The following GGPS1 variants were observed in gnomAD, a reference collection of about 807,000 sequenced individuals.
The protein encoded by GGPS1 is geranylgeranyl diphosphate synthase 1.
In GGPS1, 15 loss-of-function variants were observed where a neutral mutation model predicts 28.1. The observed-to-expected ratio is 0.53, with a 90% CI of 0.36 to 0.82. GGPS1 has a LOEUF of 0.82. GGPS1 is among the 40% of genes least tolerant of loss of function. The pLI is 0.01. For missense variants in GGPS1, 284 were observed against 348.3 expected (o/e 0.82, Z 1.47); for synonymous variants, 138 against 122.4 (o/e 1.13, Z -0.84).
At chr1:235,333,067 C>CAAAAA (rs5781828) in intron 1 of GGPS1, among the ~76,000 whole-genome samples, 5 of 43,310 alleles carry the variant, frequency 1.2e-4, no homozygotes, top group African/African-American at 4.6e-4. Context: ...GACTCCGTCT[C>CAAAAA]AAAAAAAAAA....
At chr1:235,329,717 A>T (rs150964907) in intron 1 of GGPS1, 1 of 152,266 alleles carries the variant, frequency 6.6e-6, no homozygotes, top group South Asian at 2.1e-4. Context: ...TTTTCTCCTA[A>T]TAGCAATGGG....
At chr1:235,334,861 C>T (rs1387125063) in intron 1 of GGPS1, among the ~76,000 whole-genome samples, 1 of 152,132 alleles carries the variant, frequency 6.6e-6, no homozygotes, top group Admixed American at 6.6e-5. Flanking sequence ...CCTCAGCCTC[C>T]CAAGTAGCCA....
rs1173604596 is a variant in GGPS1 at position 235,342,615 on chromosome 1, A to C, written c.746A>C (p.His249Pro). The C allele has an allele frequency of 6.2e-7, 1 of 1,611,856 alleles. No homozygotes were observed. The highest frequency in any genetic ancestry group is 8.5e-7 in the Non-Finnish European group (1 of 1,178,022). Reference sequence around the variant, plus strand: ...ATAGATATAAAAAAATACTGTGTACATTATCTTGAGGATGTAGGTTCTTTT... The same window carrying C: ...ATAGATATAAAAAAATACTGTGTACCTTATCTTGAGGATGTAGGTTCTTTT... ...ENIDIKKYCVHYLEDVGSFEY... is the reference protein window; with the variant it reads ...ENIDIKKYCVPYLEDVGSFEY... Residue 249 changes from histidine (H) to proline (P), a missense_variant, in exon 4 of 4, where the codon CAT becomes CCT. Physicochemically the swap from His to Pro is moderately conservative, Grantham distance 77. Coordinates refer to ENST00000282841, the MANE Select transcript of GGPS1 (RefSeq NM_004837.4).
At chr1:235,328,223 C>T (rs1481075968), upstream of GGPS1, 3 of 147,730 alleles carry the variant, frequency 2.0e-5, no homozygotes, top group Non-Finnish European at 4.5e-5. Flanking sequence ...CCTTTCTCCC[C>T]TCCCCTAGAT....
intron 2 of GGPS1, among the ~76,000 whole-genome samples, chr1:235,335,553 G>A (rs553403376): frequency 6.6e-6 from 1 of 151,850 alleles, no homozygotes; most frequent in Non-Finnish European, 1.5e-5. Flanking sequence ...CACCTACTTG[G>A]GAGGCTGAGG....
In GGPS1 at chr1:235,343,624, C is replaced by T. The variant is rs1417123459; in HGVS notation, c.*852C>T. The T allele has an allele frequency of 3.0e-5, 5 of 166,958 alleles. No individual in the cohort carries two copies. Among genetic ancestry groups the T allele is most frequent in the African/African-American group, 1.2e-4 (5 of 41,386 alleles). 10.3% of individuals were successfully genotyped at this position (166,958 alleles called of 1,614,324 possible). ...CTTAGGTTTTCCTTTTTTCCTTCCT[C>T]TCCACCCCACAAGTTTTGCTTTTTA... On this transcript the variant is annotated 3_prime_UTR_variant, in exon 4 of 4. Coordinates refer to ENST00000282841, the MANE Select transcript of GGPS1 (RefSeq NM_004837.4).
At chr1:235,337,595 A>G (rs1301293027) in intron 2 of GGPS1, among the ~76,000 whole-genome samples, 1 of 152,166 alleles carries the variant, frequency 6.6e-6, no homozygotes, top group Non-Finnish European at 1.5e-5. Flanking sequence ...TACTCTTGCT[A>G]ATAAATAATA....
At chr1:235,340,768 A>T (rs1437197659) in intron 2 of GGPS1, among the ~76,000 whole-genome samples, 16 of 151,128 alleles carry the variant, frequency 1.1e-4, no homozygotes, top group Middle Eastern at 6.8e-3. Flanking sequence ...ACAAGAAAGA[A>T]AAAAAGAAGA....
Position 235,342,795 on chromosome 1 carries a change from C to T in GGPS1, c.*23C>T. The T allele has an allele frequency of 6.8e-7, 1 of 1,470,028 alleles. No individual in the cohort carries two copies. The highest frequency in any genetic ancestry group is 9.2e-7 in the Non-Finnish European group (1 of 1,083,584). The allele number at this position is 1,470,028 out of a possible 1,614,324, so 91.1% of individuals were successfully genotyped here. On this transcript the variant is annotated 3_prime_UTR_variant, in exon 4 of 4. Coordinates refer to ENST00000282841, the MANE Select transcript of GGPS1 (RefSeq NM_004837.4). ...TAATGTTAAGCCATTCTTGATTGGA[C>T]CTCATAGCTTATTTTAGTTAATCTT... is the stretch of plus-strand genomic sequence containing the variant.
At chr1:235,335,556 G>C (rs1002799515) in intron 2 of GGPS1, among the ~76,000 whole-genome samples, 1 of 151,884 alleles carries the variant, frequency 6.6e-6, no homozygotes, top group Non-Finnish European at 1.5e-5. Flanking sequence ...CTACTTGGGA[G>C]GCTGAGGCAG....
In GGPS1 at chr1:235,343,242, C is replaced by T. The variant is rs1296332044; in HGVS notation, c.*470C>T. The T allele has an allele frequency of 6.0e-6, 1 of 167,690 alleles. No individual in the cohort carries two copies. Among genetic ancestry groups the T allele is most frequent in the African/African-American group, 2.4e-5 (1 of 41,466 alleles). The allele number at this position is 167,690 out of a possible 1,614,324, so 10.4% of individuals were successfully genotyped here. On this transcript the variant is annotated 3_prime_UTR_variant, in exon 4 of 4. Coordinates refer to ENST00000282841, the MANE Select transcript of GGPS1 (RefSeq NM_004837.4). The stretch of plus-strand genomic sequence containing the variant: ...TCACTTTTCCCCCCGGAAACACCCT[C>T]ACTGAAGTCTTCTATGAAAAGGCTG...
At chr1:235,334,684 C>T (rs757232523) in intron 1 of GGPS1, among the ~76,000 whole-genome samples, 2 of 152,194 alleles carry the variant, frequency 1.3e-5, no homozygotes, top group Non-Finnish European at 2.9e-5. Context: ...AATATGTAGT[C>T]TCTTGAGATT....
At chr1:235,330,063 C>T (rs764756531) in intron 1 of GGPS1, 1 of 152,150 alleles carries the variant, frequency 6.6e-6, no homozygotes, top group Non-Finnish European at 1.5e-5. Flanking sequence ...TTACATTTAA[C>T]TTTAGTATGT....
At position 235,342,798 on chromosome 1, in the gene GGPS1, CATAGCTT is replaced by C. The variant is rs878928517; in HGVS notation, c.*29_*35del. ...TGTTAAGCCATTCTTGATTGGACCT[CATAGCTT>C]ATTTTAGTTAATCTTTTTTTTGTCT... On this transcript the variant is annotated 3_prime_UTR_variant, in exon 4 of 4. Coordinates refer to ENST00000282841, the MANE Select transcript of GGPS1 (RefSeq NM_004837.4). 1.4e-6 allele frequency: 2 copies of C among 1,456,130 alleles called. No individual in the cohort carries two copies. Among genetic ancestry groups the C allele is most frequent in the South Asian group, 2.6e-5 (2 of 76,290 alleles). The allele number at this position is 1,456,130 out of a possible 1,614,324, so 90.2% of individuals were successfully genotyped here.
rs775758285 is a variant in GGPS1 at position 235,341,822 on chromosome 1, G to C, written c.141+44G>C. ...CTCATTAATCCCCAAGAAATTAATAGCTGTCGCATAAAAATATTCCTAGTT... is the reference window on the plus strand; with the variant it reads ...CTCATTAATCCCCAAGAAATTAATACCTGTCGCATAAAAATATTCCTAGTT... On this transcript the variant is annotated intron_variant, in intron 3 of 3. Coordinates refer to ENST00000282841, the MANE Select transcript of GGPS1 (RefSeq NM_004837.4). 5.3e-6 allele frequency: 6 copies of C among 1,121,824 alleles called. No individual in the cohort carries two copies. The African/African-American group carries it at 9.4e-5, about 17-fold the overall frequency. The allele number at this position is 1,121,824 out of a possible 1,614,324, so 69.5% of individuals were successfully genotyped here. A position where few individuals can be genotyped will look rare whatever the true frequency, so the allele number is the denominator to read the frequency against.
intron 2 of GGPS1, among the ~76,000 whole-genome samples, chr1:235,339,642 C>T (rs951293319): frequency 1.3e-5 from 2 of 151,884 alleles, no homozygotes; most frequent in Non-Finnish European, 2.9e-5. Context: ...TGCCTGTAAT[C>T]CCAGCTACTT....
chr1:235,335,247 C>T lies in GGPS1; in HGVS notation c.-18C>T. The T allele has an allele frequency of 7.4e-7, 1 of 1,347,784 alleles. No individual in the cohort carries two copies. Among genetic ancestry groups the T allele is most frequent in the East Asian group, 2.3e-5 (1 of 43,570 alleles). 83.5% of individuals were successfully genotyped at this position (1,347,784 alleles called of 1,614,324 possible). The stretch of plus-strand genomic sequence containing the variant: ...ATGTTTCTCCTTTTTGACAGATTAG[C>T]TTTGAAGTTTAAATCCAATGGAGAA... On this transcript the variant is annotated 5_prime_UTR_variant, in exon 2 of 4. Coordinates refer to ENST00000282841, the MANE Select transcript of GGPS1 (RefSeq NM_004837.4).
At chr1:235,333,620 G>A (rs1204901307) in intron 1 of GGPS1, among the ~76,000 whole-genome samples, 1 of 151,036 alleles carries the variant, frequency 6.6e-6, no homozygotes, top group East Asian at 1.9e-4. Context: ...CAAAGTACAT[G>A]AACTGAACTT....
chr1:235,332,502 A>G (rs1407871061), intron 1 of GGPS1, among the ~76,000 whole-genome samples: 1 of 152,126 alleles, frequency 6.6e-6, no homozygotes. Flanking sequence ...TATCTTTACT[A>G]TTGTGAATAG....
Sources: allele counts gnomAD v4.1 joint callset (sites outside exome capture counted in the v4.1 genomes callset), GRCh38; gene constraint gnomAD v4.1.1; transcripts MANE v1.5; gene names NCBI Gene and HGNC (gene_info 2026-07-23, HGNC 2026-07-21).